Variants in DOCK2 observed in about 807,000 individuals in gnomAD.
The protein encoded by DOCK2 is dedicator of cytokinesis 2.
In DOCK2, 87 loss-of-function variants were observed where a neutral mutation model predicts 248.9. The ratio of observed to expected loss-of-function variants is 0.35; its 90% CI spans 0.29 to 0.42. The LOEUF is 0.42. DOCK2 is among the 10% of genes least tolerant of loss of function. The pLI, the probability that DOCK2 is intolerant of heterozygous loss-of-function variation, is 1.00. For missense variants in DOCK2, 1,747 were observed against 2,300.2 expected, an observed-to-expected ratio of 0.76 and a Z score of 4.92; for synonymous variants, 805 against 821.6, an observed-to-expected ratio of 0.98 and a Z score of 0.35.
intron 46 of DOCK2, among the ~76,000 whole-genome samples, chr5:170,070,158 G>T (rs1451977681): frequency 6.6e-6 from 1 of 152,238 alleles, no homozygotes; most frequent in African/African-American, 2.4e-5. Flanking sequence ...CACAGGGGTG[G>T]GCTCCGGAGG....
intron 1 of DOCK2, among the ~76,000 whole-genome samples, chr5:169,641,636 A>G (rs1469186012): frequency 2.0e-5 from 3 of 152,340 alleles, no homozygotes; most frequent in African/African-American, 7.2e-5. Flanking sequence ...GGCCTCGGAA[A>G]GGGCTTGAAC....
rs1757150446 is a variant in DOCK2, at chr5:170,056,918, ATC to A, written c.4380+154_4380+155del. 1.2e-5 allele frequency: 8 copies of A among 666,562 alleles called. No individual in the cohort carries two copies. The South Asian group carries it at 1.6e-4, about 13-fold the overall frequency. 41.3% of individuals were successfully genotyped at this position (666,562 alleles called of 1,614,324 possible). ...TGGATACCATGACGTCCGTTCCCCA[ATC>A]TCTTCCATTAGGGCCTGTGTCCTTA... is the stretch of plus-strand genomic sequence containing the variant. On this transcript the variant is annotated intron_variant, in intron 43 of 51. Transcript: ENST00000520908.
At position 169,883,208 on chromosome 5, in the gene DOCK2, T is replaced by C. The variant is rs746114611; in HGVS notation, c.2799+42356T>C. 4.5e-6 allele frequency: 7 copies of C among 1,550,984 alleles called. No homozygotes were observed. In the Admixed American group the frequency reaches 1.4e-4, roughly 30 times the overall value. On this transcript the variant is annotated intron_variant, in intron 27 of 51. Coordinates refer to ENST00000520908, the MANE Select transcript of DOCK2 (RefSeq NM_004946.3). ...GTGTCATCCAAAGGGTGTATGGAGTTACTTACTTCAGCTGACCTGTCTGGG... is the reference window on the plus strand; with the variant it reads ...GTGTCATCCAAAGGGTGTATGGAGTCACTTACTTCAGCTGACCTGTCTGGG...
intron 36 of DOCK2, 125 bp downstream of exon 36, chr5:170,036,680 T>C (rs1756334696): frequency 1.2e-6 from 1 of 863,008 alleles, no homozygotes; most frequent in Non-Finnish European, 1.7e-6. Context: ...AGGCCCTCTG[T>C]GTTCTGATTC....
chr5:169,974,660 G>A (rs140063241), intron 27 of DOCK2, among the ~76,000 whole-genome samples: 1 of 152,192 alleles, frequency 6.6e-6, no homozygotes, highest in East Asian at 1.9e-4. Context: ...CCCTAGCAAT[G>A]CTCCTGGTTT....
intron 22 of DOCK2, among the ~76,000 whole-genome samples, chr5:169,730,530 G>T (rs262874): frequency 0.27 from 41,109 of 152,062 alleles, 7,486 homozygotes; most frequent in African/African-American, 0.5. Flanking sequence ...CGCTTGTATG[G>T]CAGGTAGCAC....
intron 29 of DOCK2, among the ~76,000 whole-genome samples, chr5:169,991,061 C>T (rs899861397): frequency 6.6e-6 from 1 of 152,228 alleles, no homozygotes; most frequent in Admixed American, 6.5e-5. Context: ...ACAGATGGGG[C>T]AGTTGAGATT....
At chr5:169,707,865 A>G (rs1053087800) in intron 14 of DOCK2, among the ~76,000 whole-genome samples, 2 of 152,256 alleles carry the variant, frequency 1.3e-5, no homozygotes, top group African/African-American at 4.8e-5. Context: ...AGTGTGCAGT[A>G]ACTCCAAGGC....
chr5:169,915,329 C>A (rs1774816352), intron 27 of DOCK2, among the ~76,000 whole-genome samples: 1 of 152,064 alleles, frequency 6.6e-6, no homozygotes, highest in Non-Finnish European at 1.5e-5. Flanking sequence ...TCAAAATCAT[C>A]AGCAAAAGCA....
chr5:170,064,955 G>T (rs1346101804), intron 44 of DOCK2, among the ~76,000 whole-genome samples: 2 of 151,792 alleles, frequency 1.3e-5, no homozygotes, highest in African/African-American at 4.8e-5. Context: ...TAAGTACATT[G>T]TCAAATCCAA....
intron 27 of DOCK2, among the ~76,000 whole-genome samples, chr5:169,978,392 TGGGG>T (rs150934804): frequency 4.4e-5 from 1 of 22,734 alleles, no homozygotes; most frequent in East Asian, 1.3e-3. Context: ...TGTGTGTGTG[TGGGG>T]GGGGGGGGGT....
intron 29 of DOCK2, among the ~76,000 whole-genome samples, chr5:169,993,736 C>A (rs1187154650): frequency 2.6e-5 from 4 of 152,222 alleles, no homozygotes; most frequent in Non-Finnish European, 5.9e-5. Context: ...CTGGCAGCTT[C>A]AGTGAGGCTT....
chr5:169,668,189 T>C (rs1758839731), intron 2 of DOCK2, among the ~76,000 whole-genome samples: 1 of 152,224 alleles, frequency 6.6e-6, no homozygotes, highest in Non-Finnish European at 1.5e-5. Context: ...GTTATGAATA[T>C]TGAAGGGCTT....
At chr5:169,756,732 C>G (rs1168389647) in intron 23 of DOCK2, among the ~76,000 whole-genome samples, 3 of 152,108 alleles carry the variant, frequency 2.0e-5, no homozygotes, top group Non-Finnish European at 4.4e-5. Flanking sequence ...TCAAGACCAG[C>G]CTGACCAACG....
At chr5:170,064,196 T>A (rs938183479) in intron 44 of DOCK2, among the ~76,000 whole-genome samples, 1 of 152,040 alleles carries the variant, frequency 6.6e-6, no homozygotes, top group African/African-American at 2.4e-5. Flanking sequence ...AGCTGTCTTA[T>A]CTAATGCAGA....
At chr5:169,948,274 T>A (rs1296707057) in intron 27 of DOCK2, among the ~76,000 whole-genome samples, 1 of 149,542 alleles carries the variant, frequency 6.7e-6, no homozygotes, top group African/African-American at 2.5e-5. Context: ...TATATTTTAG[T>A]AGAGGGATTC....
intron 27 of DOCK2, among the ~76,000 whole-genome samples, chr5:169,970,896 G>A (rs370488359): frequency 1.8e-3 from 274 of 151,916 alleles, no homozygotes; most frequent in African/African-American, 6.4e-3. Flanking sequence ...GTGTGGATCC[G>A]AATATACGTA....
chr5:169,649,687 C>T (rs907074004), intron 1 of DOCK2, among the ~76,000 whole-genome samples: 2 of 152,204 alleles, frequency 1.3e-5, no homozygotes, highest in African/African-American at 4.8e-5. Flanking sequence ...TTCTGTGTGG[C>T]TATGAGCAAG....
At chr5:169,802,305 G>A (rs949093874) in intron 25 of DOCK2, among the ~76,000 whole-genome samples, 1 of 152,154 alleles carries the variant, frequency 6.6e-6, no homozygotes, top group African/African-American at 2.4e-5. Context: ...GGGATTACAG[G>A]CGCATGTCAC....
Sources: allele counts gnomAD v4.1 joint callset (sites outside exome capture counted in the v4.1 genomes callset), GRCh38; gene constraint gnomAD v4.1.1; transcripts MANE v1.5; gene names NCBI Gene and HGNC (gene_info 2026-07-23, HGNC 2026-07-21).